PCDH11Y: variants seen among roughly 807,000 people sequenced by gnomAD.
PCDH11Y encodes protocadherin-11 Y-linked.
For missense variants in PCDH11Y, 12 were observed against 224.8 expected (o/e 0.05, Z 6.05); for synonymous variants, 9 against 83.6 (o/e 0.11, Z 4.87).
At position 5,402,652 on chromosome Y, in the gene PCDH11Y, CTTTTTTT is replaced by C. The variant is rs2053234658; in HGVS notation, c.3130-98389_3130-98383del. ...ACTACAAATTTTGAGTTAGTTATTT[CTTTTTTT>C]TTTTTTTTTTTTTTTGAGGCAGAGT... On this transcript the variant is annotated intron_variant, in intron 2 of 4. Coordinates refer to the PCDH11Y transcript ENST00000400457. 9.5e-4 allele frequency among the ~76,000 whole-genome samples: 18 copies of C among 18,868 alleles called. No individual in the cohort carries two copies. In the East Asian group the frequency reaches 0.024, roughly 25 times the overall value. 50.6% of individuals were successfully genotyped at this position (18,868 alleles called of 37,273 possible).
At chrY:5,136,022 A>G (rs2124641697) in intron 2 of PCDH11Y, among the ~76,000 whole-genome samples, 2 of 32,248 alleles carry the variant, frequency 6.2e-5, no homozygotes, top group African/African-American at 2.4e-4. Context: ...CCAGCATTCA[A>G]GAAAGCCAGC....
At chrY:5,563,622 A>G in intron 3 of PCDH11Y, among the ~76,000 whole-genome samples, 4 of 33,051 alleles carry the variant, frequency 1.2e-4, no homozygotes, top group Middle Eastern at 0.014. Context: ...CAGATATCAG[A>G]TATTAGAGCT....
intron 3 of PCDH11Y, among the ~76,000 whole-genome samples, chrY:5,571,098 T>G (rs1197124400): frequency 3.3e-5 from 1 of 30,754 alleles, no homozygotes; most frequent in Non-Finnish European, 7.9e-5. Context: ...ATGTAAATAT[T>G]AAGATCTATA....
At chrY:5,641,364 G>T in intron 4 of PCDH11Y, among the ~76,000 whole-genome samples, 2 of 33,325 alleles carry the variant, frequency 6.0e-5, no homozygotes, top group Non-Finnish European at 1.5e-4. Context: ...CTTGGCTTTT[G>T]ACATGTCTTT....
At chrY:5,035,571 T>C (rs1602841943) in intron 3 of PCDH11Y, among the ~76,000 whole-genome samples, 49 of 32,661 alleles carry the variant, frequency 1.5e-3, no homozygotes, top group Non-Finnish European at 1.8e-3. Flanking sequence ...TTTCAAGATA[T>C]ATTGCACGTA....
chrY:5,519,381 C>G, intron 3 of PCDH11Y, among the ~76,000 whole-genome samples: 5 of 22,519 alleles, frequency 2.2e-4, no homozygotes, highest in Admixed American at 8.2e-4. Flanking sequence ...CAGAGTGAGA[C>G]TCTGTCTCAA....
At chrY:5,740,375 T>C (rs2124716706) in exon 5 of PCDH11Y, 1 of 33,074 alleles carries the variant, frequency 3.0e-5, no homozygotes, top group African/African-American at 1.2e-4. Flanking sequence ...TTGACACCTT[T>C]CCTATAGATA....
intron 4 of PCDH11Y, among the ~76,000 whole-genome samples, chrY:5,677,996 G>A: frequency 9.1e-5 from 3 of 32,924 alleles, no homozygotes; most frequent in African/African-American, 3.5e-4. Flanking sequence ...GATAGTTTCA[G>A]AATAACTTGC....
chrY:5,107,831 G>A (rs2052793416), downstream of PCDH11Y, among the ~76,000 whole-genome samples: 2 of 32,770 alleles, frequency 6.1e-5, no homozygotes, highest in Non-Finnish European at 1.5e-4. Context: ...AGGCCGAGGC[G>A]GGTGGATCAC....
In PCDH11Y at chrY:5,420,381, A is replaced by G. The variant is rs200439273; in HGVS notation, c.3130-80676A>G. Among the ~76,000 whole-genome samples, 56 of 33,164 alleles carry G rather than the reference A, an allele frequency of 1.7e-3. No individual in the cohort carries two copies. The East Asian group carries it at 0.045, about 26-fold the overall frequency. The allele number at this position is 33,164 out of a possible 37,273, so 89.0% of individuals were successfully genotyped here. On this transcript the variant is annotated intron_variant, in intron 2 of 4. Coordinates refer to the PCDH11Y transcript ENST00000400457. ...AATTGAATGAAACTAGAAATCAAGG[A>G]TAGAAGGAAAATCCAAAATATGTGG...
intron 2 of PCDH11Y, among the ~76,000 whole-genome samples, chrY:5,478,491 A>G: frequency 3.0e-5 from 1 of 32,801 alleles, no homozygotes; most frequent in Non-Finnish European, 7.5e-5. Context: ...AAGAATGTAT[A>G]TTCTGTTGAT....
intron 1 of PCDH11Y, among the ~76,000 whole-genome samples, chrY:5,072,940 C>T: frequency 3.0e-5 from 1 of 33,263 alleles, no homozygotes; most frequent in African/African-American, 1.2e-4. Context: ...TTGTGCGGTA[C>T]ATGAGATATT....
chrY:5,020,660 A>G, intron 1 of PCDH11Y, among the ~76,000 whole-genome samples: 1 of 33,637 alleles, frequency 3.0e-5, no homozygotes, highest in Non-Finnish European at 7.4e-5. Context: ...TAGAACTGAA[A>G]GGTGTGAGGC....
At chrY:5,174,364 T>A in intron 2 of PCDH11Y, among the ~76,000 whole-genome samples, 6 of 30,310 alleles carry the variant, frequency 2.0e-4, no homozygotes, top group African/African-American at 7.6e-4. Flanking sequence ...TTGTTCCTTC[T>A]GTATTCCTAA....
chrY:5,700,119 T>G, intron 4 of PCDH11Y, among the ~76,000 whole-genome samples: 1 of 32,939 alleles, frequency 3.0e-5, no homozygotes, highest in Non-Finnish European at 7.5e-5. Flanking sequence ...CCACCATTTC[T>G]TCTAATCAGC....
intron 4 of PCDH11Y, among the ~76,000 whole-genome samples, chrY:5,658,326 T>C (rs2053538512): frequency 3.0e-5 from 1 of 33,161 alleles, no homozygotes; most frequent in African/African-American, 1.2e-4. Context: ...CATGGTGTTT[T>C]GTAACCTCTT....
At chrY:5,217,929 G>T in intron 2 of PCDH11Y, among the ~76,000 whole-genome samples, 9 of 33,438 alleles carry the variant, frequency 2.7e-4, no homozygotes, top group Non-Finnish European at 5.2e-4. Flanking sequence ...ATATTACCTA[G>T]TGCTTTCAGC....
At chrY:5,338,452 C>T in intron 2 of PCDH11Y, 1 of 389,382 alleles carries the variant, frequency 2.6e-6, no homozygotes, top group Non-Finnish European at 3.6e-6. Context: ...ATTTGGGAGA[C>T]AGGTATCTCT....
At chrY:5,129,478 C>G (rs1344622347) in intron 2 of PCDH11Y, among the ~76,000 whole-genome samples, 49 of 12,396 alleles carry the variant, frequency 4.0e-3, no homozygotes, top group South Asian at 0.022. Flanking sequence ...CACACACACA[C>G]AGAGAGAGAG....
Sources: gnomAD v4.1 joint callset for allele counts (sites outside exome capture counted in the v4.1 genomes callset) on GRCh38, gnomAD v4.1.1 for gene constraint, MANE v1.5 for transcripts, NCBI Gene and HGNC (gene_info 2026-07-23, HGNC 2026-07-21) for gene names.